TRPM6: variants seen among roughly 807,000 people sequenced by gnomAD.
TRPM6 encodes transient receptor potential cation channel subfamily M member 6.
In TRPM6, 111 loss-of-function variants were observed where a neutral mutation model predicts 247.6. The ratio of observed to expected loss-of-function variants is 0.45; its 90% CI spans 0.38 to 0.52. TRPM6 has a LOEUF of 0.52. Ranked by LOEUF, TRPM6 falls within the 20% of genes least tolerant of loss-of-function variation. TRPM6 has a pLI of 0.00. For synonymous variants in TRPM6, 892 were observed against 853.8 expected (o/e 1.04, Z -0.78); for missense variants, 2,126 against 2,421.5 (o/e 0.88, Z 2.56).
At chr9:74,843,467 A>C (rs772881290) in intron 3 of TRPM6, among the ~76,000 whole-genome samples, 2 of 152,174 alleles carry the variant, frequency 1.3e-5, no homozygotes, top group African/African-American at 2.4e-5. Flanking sequence ...CATCAGAGGA[A>C]TCACTACCTA....
intron 24 of TRPM6, among the ~76,000 whole-genome samples, chr9:74,773,384 G>A (rs940367782): frequency 6.6e-6 from 1 of 152,146 alleles, no homozygotes; most frequent in African/African-American, 2.4e-5. Flanking sequence ...TTCTACTGAA[G>A]AATGAGATGT....
intron 25 of TRPM6, among the ~76,000 whole-genome samples, chr9:74,764,081 G>A (rs188611775): frequency 5.4e-5 from 8 of 147,548 alleles, no homozygotes; most frequent in East Asian, 2.0e-4. Flanking sequence ...CCAAGATCAC[G>A]CCACTGCACT....
At chr9:74,835,951 T>C (rs902846306) in intron 5 of TRPM6, among the ~76,000 whole-genome samples, 35 of 152,250 alleles carry the variant, frequency 2.3e-4, no homozygotes, top group Non-Finnish European at 8.8e-5. Context: ...CCCTACATTA[T>C]AGGGTCATGA....
chr9:74,817,342 T>G (rs920191436), intron 9 of TRPM6, among the ~76,000 whole-genome samples: 4 of 152,210 alleles, frequency 2.6e-5, no homozygotes, highest in African/African-American at 9.6e-5. Flanking sequence ...CTAAGACTTT[T>G]GCTTTTTTTT....
At chr9:74,771,958 C>T (rs1386471010) in intron 24 of TRPM6, 123 bp from the exon 25 acceptor site, 2 of 889,540 alleles carry the variant, frequency 2.2e-6, no homozygotes, top group East Asian at 4.9e-5. Flanking sequence ...GTCACCTTGT[C>T]AAACTATTTC....
chr9:74,724,687 T>C lies in TRPM6; in HGVS notation c.5995A>G (p.Lys1999Glu). 6.2e-7 allele frequency: 1 copy of C among 1,614,200 alleles called. No individual in the cohort carries two copies. Among genetic ancestry groups the C allele is most frequent in the Non-Finnish European group, 8.5e-7 (1 of 1,180,020 alleles). The change falls in exon 39 of 39, where the codon AAA (lysine) becomes GAA (glutamate). Residue 1999 changes from lysine (K) to glutamate (E), a missense_variant. By Grantham distance (56) the Lys-to-Glu change is moderately conservative. Transcript: ENST00000360774. The part of the protein sequence containing the change: ...RINSTFGLEI[K>E]IESAEEPPAR... ...GGAGGCTCCTCAGCTGATTCTATTT[T>C]TATCTCAAGTCCAAAGGTGGAATTT...
chr9:74,753,214 G>A (rs922132376), intron 28 of TRPM6, among the ~76,000 whole-genome samples: 8 of 149,436 alleles, frequency 5.4e-5, no homozygotes, highest in Admixed American at 2.0e-4. Flanking sequence ...TATTCTTTTT[G>A]TAGCTGGTAC....
At chr9:74,739,600 T>C in intron 34 of TRPM6, 123 bp downstream of exon 34, 3 of 1,522,606 alleles carry the variant, frequency 2.0e-6, no homozygotes, top group Non-Finnish European at 2.7e-6. Flanking sequence ...AAAGCAATAC[T>C]ACCTCTAAAA....
At chr9:74,868,913 G>C (rs146996545) in intron 1 of TRPM6, among the ~76,000 whole-genome samples, 6 of 152,202 alleles carry the variant, frequency 3.9e-5, no homozygotes, top group Middle Eastern at 6.8e-3. Context: ...AAGAGTTTGG[G>C]GGATAGAGAA....
At chr9:74,746,949 G>A (rs931703593) in intron 31 of TRPM6, among the ~76,000 whole-genome samples, 5 of 152,044 alleles carry the variant, frequency 3.3e-5, no homozygotes, top group Non-Finnish European at 7.4e-5. Context: ...AGGAACAAGA[G>A]GCTCTCAGAA....
chr9:74,750,585 A>C (rs1383614764), intron 30 of TRPM6, 79 bp downstream of exon 30: 1 of 1,230,186 alleles, frequency 8.1e-7, no homozygotes, highest in Non-Finnish European at 1.2e-6. Context: ...CTTTCTGACT[A>C]AATTAAACCT....
At chr9:74,821,975 T>C in intron 7 of TRPM6, 138 bp from the exon 8 acceptor site, 1 of 1,045,972 alleles carries the variant, frequency 9.6e-7, no homozygotes, top group Admixed American at 2.0e-5. Flanking sequence ...CATTTTACCC[T>C]GGTTTGCTTA....
chr9:74,875,556 T>TAAG (rs1831173089), intron 1 of TRPM6, among the ~76,000 whole-genome samples: 1 of 151,536 alleles, frequency 6.6e-6, no homozygotes, highest in South Asian at 2.1e-4. Flanking sequence ...AAATTAAAAA[T>TAAG]AATAATAATA....
At chr9:74,883,939 C>T (rs758337793) in intron 1 of TRPM6, among the ~76,000 whole-genome samples, 2 of 151,954 alleles carry the variant, frequency 1.3e-5, no homozygotes, top group African/African-American at 2.4e-5. Context: ...CACCTGAGGT[C>T]GGGAGTTCGA....
Position 74,739,860 on chromosome 9 carries a change from T to G in TRPM6, c.5350A>C (p.Arg1784=), listed in dbSNP as rs2118736757. 1.2e-6 allele frequency: 2 copies of G among 1,614,172 alleles called. No individual in the cohort carries two copies. The highest frequency in any genetic ancestry group is 4.5e-5 in the East Asian group (2 of 44,880). Residue 1784 remains arginine (R), a synonymous_variant, in exon 34 of 39, where the codon AGA becomes CGA. Coordinates refer to ENST00000360774, the MANE Select transcript of TRPM6 (RefSeq NM_017662.5). ...EMDGGLRKAM[R]VVSTWSEDDI... is the part of the protein sequence containing the mutation. ...TCCTCAGACCAAGTGCTGACGACTC[T>G]CATAGCTTTACGGAGGCCCCCATCC...
intron 37 of TRPM6, among the ~76,000 whole-genome samples, chr9:74,731,178 T>A (rs868530236): frequency 6.6e-6 from 1 of 152,184 alleles, no homozygotes; most frequent in Non-Finnish European, 1.5e-5. Context: ...TTCTAAATGA[T>A]AGAATATTCA....
intron 37 of TRPM6, among the ~76,000 whole-genome samples, chr9:74,731,713 T>A (rs1039139640): frequency 6.7e-6 from 1 of 148,250 alleles, no homozygotes; most frequent in Non-Finnish European, 1.5e-5. Context: ...ATATATAATA[T>A]ATATAATATA....
rs754889002 is a variant in TRPM6, at chr9:74,788,646, T to C, written c.2635A>G (p.Ile879Val). 2 of 1,613,828 alleles carry C rather than the reference T, an allele frequency of 1.2e-6. No homozygotes were observed. The highest frequency in any genetic ancestry group is 1.3e-5 in the African/African-American group (1 of 74,894). The change falls in exon 20 of 39, where the codon ATC (isoleucine) becomes GTC (valine). Residue 879 changes from isoleucine (I) to valine (V), a missense_variant. Ile to Val is a conservative substitution (Grantham distance 29). Around this residue, in one of 3 missense-constraint regions of TRPM6, gnomAD observed 1,082 missense variants for 1,307.9 expected, o/e 0.83. Transcript: ENST00000360774. ...ACCACCTCAATAGCATTGGTGAAGA[T>C]GTAAATGCTAACAAGCCACTCCTGC... ...SVQEWLVSIY[I>V]FTNAIEVVRE...
chr9:74,742,485 T>C (rs191914153), intron 33 of TRPM6, 76 bp downstream of exon 33: 3 of 1,383,870 alleles, frequency 2.2e-6, no homozygotes, highest in Admixed American at 3.4e-5. Context: ...AATAATGCAA[T>C]GTGGTTTCCT....
Sources: allele counts gnomAD v4.1 joint callset (sites outside exome capture counted in the v4.1 genomes callset), GRCh38; gene constraint gnomAD v4.1.1; regional missense constraint gnomAD v4.1.1; transcripts MANE v1.5; gene names NCBI Gene and HGNC (gene_info 2026-07-23, HGNC 2026-07-21).